The following HNF4G variants were observed in gnomAD, a reference collection of about 807,000 sequenced individuals.
HNF4G encodes hepatocyte nuclear factor 4 gamma, also known as hepatocyte nuclear factor 4-gamma.
HNF4G carries 21 observed loss-of-function variants against 50.9 expected under a neutral mutation model. The observed-to-expected ratio is 0.41, with a 90% CI of 0.29 to 0.59. HNF4G has a LOEUF of 0.59. HNF4G is among the 20% of genes least tolerant of loss of function. The pLI is 0.26. For synonymous variants in HNF4G, 198 were observed against 185.6 expected (o/e 1.07, Z -0.54); for missense variants, 527 against 559.4 (o/e 0.94, Z 0.58).
chr8:75,556,068 G>T lies in HNF4G; in HGVS notation c.732G>T (p.Leu244Phe). 1 of 1,465,620 alleles carries T rather than the reference G, an allele frequency of 6.8e-7. No individual in the cohort carries two copies. The allele number at this position is 1,465,620 out of a possible 1,614,324, so 90.8% of individuals were successfully genotyped here. ...TGATGTATAAAGATATTTTGCTTTT[G>T]GGTAAGTTTTTTTTTTTTAATTTAA... ...RSMMYKDILLLGNNYVIHRNS... is the reference protein window; with the variant it reads ...RSMMYKDILLFGNNYVIHRNS... Residue 244 changes from leucine to phenylalanine, a missense_variant and splice_region_variant, in exon 6 of 10, where the codon TTG (leucine) becomes TTT (phenylalanine). Physicochemically the swap from Leu to Phe is conservative, Grantham distance 22. Coordinates refer to ENST00000396423, the MANE Select transcript of HNF4G (RefSeq NM_004133.5).
chr8:75,544,339 A>C (rs1475504585), intron 2 of HNF4G, among the ~76,000 whole-genome samples: 1 of 151,948 alleles, frequency 6.6e-6, no homozygotes, highest in African/African-American at 2.4e-5. Flanking sequence ...GTGTTTCTTT[A>C]TTATTTTACC....
At chr8:75,491,747 A>G (rs1049628729) in intron 2 of HNF4G, among the ~76,000 whole-genome samples, 1 of 152,210 alleles carries the variant, frequency 6.6e-6, no homozygotes, top group Non-Finnish European at 1.5e-5. Flanking sequence ...AAGTGCTAAG[A>G]TTACAGGCGT....
intron 2 of HNF4G, among the ~76,000 whole-genome samples, chr8:75,519,837 A>AGT (rs933221759): frequency 8.7e-6 from 1 of 114,694 alleles, no homozygotes; most frequent in African/African-American, 3.1e-5. Flanking sequence ...TGTGCATGTG[A>AGT]GCGTGTGTGT....
intron 1 of HNF4G, among the ~76,000 whole-genome samples, chr8:75,417,217 G>A (rs1215741731): frequency 6.6e-6 from 1 of 152,186 alleles, no homozygotes; most frequent in African/African-American, 2.4e-5. Context: ...CTGAAGTGCA[G>A]TGGTATGATT....
At chr8:75,410,838 G>C (rs180869926) in intron 1 of HNF4G, among the ~76,000 whole-genome samples, 3 of 152,202 alleles carry the variant, frequency 2.0e-5, no homozygotes, top group Admixed American at 1.3e-4. Flanking sequence ...TATACCTATT[G>C]GTGTCAGTCC....
chr8:75,524,513 A>G (rs1397696085), intron 2 of HNF4G, among the ~76,000 whole-genome samples: 9 of 152,180 alleles, frequency 5.9e-5, no homozygotes. Context: ...ATTTATGTCC[A>G]TATGTTACAT....
chr8:75,555,816 A>G lies in HNF4G; in HGVS notation c.646-166A>G, dbSNP rs552339853. ...GAAAAGTAAGTTCTATTGACATGCT[A>G]TGATAGAAAACTGGAAGGCTTAATG... On this transcript the variant is annotated intron_variant, in intron 5 of 9. Coordinates refer to ENST00000396423, the MANE Select transcript of HNF4G (RefSeq NM_004133.5). Among the ~76,000 whole-genome samples the G allele has an allele frequency of 4.0e-5, 6 of 151,806 alleles. No homozygotes were observed. In the South Asian group the frequency reaches 8.3e-4, roughly 21 times the overall value.
chr8:75,457,497 C>A (rs1488142604), intron 1 of HNF4G, among the ~76,000 whole-genome samples: 2 of 152,066 alleles, frequency 1.3e-5, no homozygotes, highest in Non-Finnish European at 2.9e-5. Flanking sequence ...CAGGATGAGA[C>A]AGCAAGTAAC....
intron 2 of HNF4G, among the ~76,000 whole-genome samples, chr8:75,522,391 A>G (rs186257907): frequency 6.1e-4 from 93 of 152,330 alleles, no homozygotes; most frequent in Admixed American, 5.9e-4. Flanking sequence ...AAAAGGCTCA[A>G]TCATACATTC....
chr8:75,552,172 G>A (rs1806979554), intron 4 of HNF4G, among the ~76,000 whole-genome samples: 1 of 151,964 alleles, frequency 6.6e-6, no homozygotes, highest in African/African-American at 2.4e-5. Context: ...AGTTAATCAG[G>A]TCCTATAATG....
chr8:75,453,845 A>G (rs1811649664), intron 1 of HNF4G, among the ~76,000 whole-genome samples: 1 of 152,154 alleles, frequency 6.6e-6, no homozygotes. Flanking sequence ...GGTTGGTGTA[A>G]TGGACTGAAT....
At chr8:75,538,457 C>G (rs541800717), upstream of HNF4G, among the ~76,000 whole-genome samples, 2 of 152,258 alleles carry the variant, frequency 1.3e-5, no homozygotes, top group East Asian at 3.9e-4. Context: ...TTGGGACACT[C>G]CCGTCAGTGA....
intron 1 of HNF4G, among the ~76,000 whole-genome samples, chr8:75,435,000 A>C (rs1349447902): frequency 1.3e-5 from 2 of 152,206 alleles, no homozygotes; most frequent in East Asian, 3.8e-4. Context: ...AGGAACCTAT[A>C]ATTTCAGTCT....
chr8:75,477,744 G>A (rs908405976), intron 1 of HNF4G, among the ~76,000 whole-genome samples: 4 of 152,038 alleles, frequency 2.6e-5, no homozygotes, highest in African/African-American at 7.2e-5. Context: ...GAAGTGGGCA[G>A]ATCACCTGAG....
chr8:75,471,800 C>T (rs1354537862), intron 1 of HNF4G, among the ~76,000 whole-genome samples: 1 of 152,090 alleles, frequency 6.6e-6, no homozygotes, highest in Non-Finnish European at 1.5e-5. Context: ...AAAGTGTACT[C>T]CCAATGTTGT....
At chr8:75,468,610 C>CTT (rs1351802221) in intron 1 of HNF4G, among the ~76,000 whole-genome samples, 1 of 152,056 alleles carries the variant, frequency 6.6e-6, no homozygotes, top group Middle Eastern at 3.2e-3. Context: ...AGGAGAATCA[C>CTT]TTGAATCTGG....
At chr8:75,512,892 CTT>C (rs762056580) in intron 2 of HNF4G, among the ~76,000 whole-genome samples, 11 of 152,058 alleles carry the variant, frequency 7.2e-5, no homozygotes, top group Non-Finnish European at 1.5e-4. Context: ...ACATTACTAA[CTT>C]AGTATGACTT....
intron 9 of HNF4G, among the ~76,000 whole-genome samples, chr8:75,562,723 A>T (rs533818349): frequency 6.6e-6 from 1 of 152,246 alleles, no homozygotes; most frequent in South Asian, 2.1e-4. Context: ...TTTCATTTTT[A>T]TTCTTGTTCT....
intron 1 of HNF4G, among the ~76,000 whole-genome samples, chr8:75,408,696 A>G (rs926438936): frequency 6.6e-6 from 1 of 152,222 alleles, no homozygotes; most frequent in Non-Finnish European, 1.5e-5. Flanking sequence ...AATGGAATGA[A>G]TATATGTGCT....
Sources: allele counts gnomAD v4.1 joint callset (sites outside exome capture counted in the v4.1 genomes callset), GRCh38; gene constraint gnomAD v4.1.1; transcripts MANE v1.5; gene names NCBI Gene and HGNC (gene_info 2026-07-23, HGNC 2026-07-21).